The following C12orf56 variants were observed in gnomAD, a reference collection of about 807,000 sequenced individuals.
The protein encoded by C12orf56 is chromosome 12 open reading frame 56, also known as uncharacterized protein C12orf56.
A neutral mutation model predicts 69.9 loss-of-function variants in C12orf56; 71 were observed. That is an observed-to-expected ratio of 1.02 (90% CI 0.84 to 1.24). C12orf56 has a LOEUF of 1.24. Among genes scored for constraint, C12orf56 ranks in the 50% most tolerant of loss-of-function variants. C12orf56 has a pLI of 0.00. For missense variants in C12orf56, 732 were observed against 738.5 expected (o/e 0.99, Z 0.10); for synonymous variants, 276 against 274.1 (o/e 1.01, Z -0.07).
At chr12:64,326,599 T>G (rs2038844019) in intron 3 of C12orf56, among the ~76,000 whole-genome samples, 1 of 151,732 alleles carries the variant, frequency 6.6e-6, no homozygotes, top group Non-Finnish European at 1.5e-5. Flanking sequence ...TAGCTGGGTG[T>G]GGTGGCGGGT....
At chr12:64,382,959 G>T (rs1031726121) in intron 1 of C12orf56, among the ~76,000 whole-genome samples, 1 of 151,672 alleles carries the variant, frequency 6.6e-6, no homozygotes, top group South Asian at 2.1e-4. Flanking sequence ...AGCAATCCTT[G>T]TTCATTCCTG....
chr12:64,386,167 G>T (rs1229720080), intron 1 of C12orf56, among the ~76,000 whole-genome samples: 1 of 151,794 alleles, frequency 6.6e-6, no homozygotes, highest in Non-Finnish European at 1.5e-5. Context: ...TGCATCAGTT[G>T]GCCACCGACT....
Position 64,270,681 on chromosome 12 carries a change from C to T in C12orf56, c.1618G>A (p.Val540Met), listed in dbSNP as rs767070566. 1.2e-6 allele frequency: 2 copies of T among 1,612,506 alleles called. No individual in the cohort carries two copies. Among genetic ancestry groups the T allele is most frequent in the Non-Finnish European group, 1.7e-6 (2 of 1,179,456 alleles). ...TGAAATGAAGCTGAAAGACCCCTCA[C>T]CACTTGTTTCACAATACTGGCCACA... ...TFVASIVKQV[V>M]RGLSASFQLL... The change falls in exon 12 of 13, where the codon GTG becomes ATG. Residue 540 changes from valine (V) to methionine (M), a missense_variant. Val to Met is a conservative substitution (Grantham distance 21). Transcript: ENST00000543942.
intron 1 of C12orf56, among the ~76,000 whole-genome samples, chr12:64,361,890 G>A (rs2039404716): frequency 1.3e-5 from 2 of 151,964 alleles, no homozygotes; most frequent in African/African-American, 2.4e-5. Context: ...GCGCCACCAC[G>A]CCCAGCTAAT....
In C12orf56 at chr12:64,390,408, A is replaced by T. The variant is rs774967382; in HGVS notation, c.158T>A (p.Val53Glu). ...SNSENHILKY[V>E]VLSDRLVYLT... is the part of the protein sequence containing the mutation. ...GTAGACGAGCCGGTCGCTTAGCACC[A>T]CATACTTGAGGATGTGGTTCTCAGA... Residue 53 changes from valine to glutamate, a missense_variant, in exon 1 of 13, where the codon GTG becomes GAG. Physicochemically the swap from Val to Glu is moderately radical, Grantham distance 121. Coordinates refer to ENST00000543942, the MANE Select transcript of C12orf56 (RefSeq NM_001170633.2). 6.2e-7 allele frequency: 1 copy of T among 1,613,196 alleles called. No individual in the cohort carries two copies. The highest frequency in any genetic ancestry group is 8.5e-7 in the Non-Finnish European group (1 of 1,179,748).
At chr12:64,307,368 C>CT (rs748644044) in intron 5 of C12orf56, among the ~76,000 whole-genome samples, 3,134 of 115,102 alleles carry the variant, frequency 0.027, 152 homozygotes, top group African/African-American at 0.061. Flanking sequence ...ATAGTCAGTC[C>CT]TTTTTTTTTT....
At chr12:64,377,618 C>T (rs1006252140) in intron 1 of C12orf56, among the ~76,000 whole-genome samples, 18 of 152,170 alleles carry the variant, frequency 1.2e-4, no homozygotes, top group Non-Finnish European at 1.5e-4. Flanking sequence ...TTATCTTATC[C>T]GTTATTCTTG....
intron 6 of C12orf56, 137 bp from the exon 7 acceptor site, chr12:64,286,197 C>T: frequency 1.7e-6 from 1 of 598,436 alleles, no homozygotes; most frequent in Non-Finnish European, 2.9e-6. Flanking sequence ...CCCACTGATA[C>T]TAGCATAACC....
At chr12:64,308,972 A>AAAGAAAGAAAGAAAG (rs200012816) in intron 5 of C12orf56, among the ~76,000 whole-genome samples, 1 of 77,388 alleles carries the variant, frequency 1.3e-5, no homozygotes, top group African/African-American at 5.5e-5. Flanking sequence ...AGAAAGAAAG[A>AAAGAAAGAAAGAAAG]AAAGAAAGAA....
chr12:64,268,770 G>A (rs142068606), intron 12 of C12orf56, among the ~76,000 whole-genome samples: 3 of 152,064 alleles, frequency 2.0e-5, no homozygotes, highest in Non-Finnish European at 4.4e-5. Context: ...GATGGGAATT[G>A]GGTTGTTTGG....
At chr12:64,308,783 C>T (rs970571269) in intron 5 of C12orf56, among the ~76,000 whole-genome samples, 22 of 149,828 alleles carry the variant, frequency 1.5e-4, no homozygotes, top group Non-Finnish European at 2.5e-4. Context: ...GTGGAGGTTG[C>T]AGTGAGCCGA....
chr12:64,319,128 T>A (rs1387857912), intron 3 of C12orf56, 148 bp from the exon 4 acceptor site: 1 of 695,356 alleles, frequency 1.4e-6, no homozygotes, highest in Non-Finnish European at 2.2e-6. Context: ...TCGCTGGTAA[T>A]AACCCATTGA....
chr12:64,307,677 A>T (rs2136813791), intron 5 of C12orf56, among the ~76,000 whole-genome samples: 1 of 152,094 alleles, frequency 6.6e-6, no homozygotes. Context: ...CCAGACTCAG[A>T]CCATTTTCAA....
intron 2 of C12orf56, among the ~76,000 whole-genome samples, chr12:64,339,375 A>C (rs905633326): frequency 6.6e-6 from 1 of 152,004 alleles, no homozygotes; most frequent in African/African-American, 2.4e-5. Flanking sequence ...TCCTATTACC[A>C]GTTTATTATA....
At chr12:64,368,774 A>G (rs536143901) in intron 1 of C12orf56, among the ~76,000 whole-genome samples, 1 of 152,318 alleles carries the variant, frequency 6.6e-6, no homozygotes, top group African/African-American at 2.4e-5. Flanking sequence ...AGCAGTCAGG[A>G]AATCTGATTT....
At chr12:64,304,645 G>A (rs1254530788) in intron 5 of C12orf56, among the ~76,000 whole-genome samples, 1 of 152,060 alleles carries the variant, frequency 6.6e-6, no homozygotes, top group East Asian at 1.9e-4. Flanking sequence ...AAATGTCACC[G>A]GGTTAAATAT....
At chr12:64,387,303 G>T (rs1013530629) in intron 1 of C12orf56, among the ~76,000 whole-genome samples, 1 of 152,036 alleles carries the variant, frequency 6.6e-6, no homozygotes, top group Non-Finnish European at 1.5e-5. Flanking sequence ...TTCCAAAGTT[G>T]AACTATATTG....
rs2037912148 is a variant in C12orf56, at chr12:64,265,482, C to G, written c.*1701G>C. ...TACTCCATTTCAGAGTGTTAAATGT[C>G]TTGTCACAGGCAGAGAATGTAAGAG... On this transcript the variant is annotated 3_prime_UTR_variant, in exon 13 of 13. Coordinates refer to ENST00000543942, the MANE Select transcript of C12orf56 (RefSeq NM_001170633.2). 1 of 152,198 alleles carries G rather than the reference C, an allele frequency of 6.6e-6. No homozygotes were observed. The highest frequency in any genetic ancestry group is 1.5e-5 in the Non-Finnish European group (1 of 68,050). 9.4% of individuals were successfully genotyped at this position (152,198 alleles called of 1,614,324 possible). A position where few individuals can be genotyped will look rare whatever the true frequency, so the allele number is the denominator to read the frequency against.
intron 8 of C12orf56, among the ~76,000 whole-genome samples, chr12:64,282,006 TA>T (rs1272567712): frequency 3.3e-5 from 5 of 152,084 alleles, no homozygotes; most frequent in African/African-American, 1.2e-4. Context: ...ATATCAAAAA[TA>T]ATGTTGAATC....
Sources: gnomAD v4.1 joint callset for allele counts (sites outside exome capture counted in the v4.1 genomes callset) on GRCh38, gnomAD v4.1.1 for gene constraint, MANE v1.5 for transcripts, NCBI Gene and HGNC (gene_info 2026-07-23, HGNC 2026-07-21) for gene names.